FAT1: variants seen among roughly 807,000 people sequenced by gnomAD.
FAT1 encodes protocadherin Fat 1.
FAT1 carries 171 observed loss-of-function variants against 329.8 expected under a neutral mutation model. The observed-to-expected ratio is 0.52, with a 90% CI of 0.46 to 0.59. The LOEUF (loss-of-function observed/expected upper bound fraction) is 0.59, where lower values mean the gene tolerates loss of function less well. FAT1 is among the 20% of genes least tolerant of loss of function. The pLI, the probability that FAT1 is intolerant of heterozygous loss-of-function variation, is 0.00. For synonymous variants in FAT1, 2,233 were observed against 2,228.6 expected, an observed-to-expected ratio of 1.00 and a Z score of -0.06; for missense variants, 5,672 against 5,774.4, an observed-to-expected ratio of 0.98 and a Z score of 0.57.
chr4:186,648,853 A>AT (rs776261919), intron 3 of FAT1, among the ~76,000 whole-genome samples: 30 of 152,318 alleles, frequency 2.0e-4, no homozygotes, highest in Middle Eastern at 3.4e-3. Flanking sequence ...TTTCCCGGTG[A>AT]TTCCATCCCA....
chr4:186,663,087 C>T (rs1177551057), intron 3 of FAT1, among the ~76,000 whole-genome samples: 3 of 152,168 alleles, frequency 2.0e-5, no homozygotes, highest in Non-Finnish European at 2.9e-5. Context: ...CTGCCTGCCT[C>T]GGCCTCCCAA....
At chr4:186,701,671 T>C (rs983343044) in intron 2 of FAT1, among the ~76,000 whole-genome samples, 6 of 152,186 alleles carry the variant, frequency 3.9e-5, no homozygotes, top group African/African-American at 1.4e-4. Flanking sequence ...CCGGGGCCCG[T>C]CAGCCTCCTC....
intron 2 of FAT1, among the ~76,000 whole-genome samples, chr4:186,688,673 ACACCCTT>A (rs2126655944): frequency 8.6e-6 from 1 of 115,814 alleles, no homozygotes; most frequent in African/African-American, 3.2e-5. Context: ...AAAAAAACAC[ACACCCTT>A]CAGCTGCTAC....
At chr4:186,717,028 A>C (rs939098472) in intron 1 of FAT1, among the ~76,000 whole-genome samples, 1 of 152,134 alleles carries the variant, frequency 6.6e-6, no homozygotes, top group Non-Finnish European at 1.5e-5. Context: ...CAGCCTCCCA[A>C]AGTGCTGGGA....
chr4:186,725,776 G>C (rs989232393), upstream of FAT1, among the ~76,000 whole-genome samples: 2 of 152,206 alleles, frequency 1.3e-5, no homozygotes, highest in African/African-American at 4.8e-5. This position sits in a 1 kb window ranked among gnomAD's most constrained non-coding sequence, Gnocchi z 5.4. Context: ...CCAAAGGCTC[G>C]TGGAAATTAG....
At chr4:186,723,121 G>A (rs534433037) in intron 1 of FAT1, among the ~76,000 whole-genome samples, 2 of 152,348 alleles carry the variant, frequency 1.3e-5, no homozygotes, top group Admixed American at 6.5e-5. Context: ...CTCCAGAGAA[G>A]ACAGAAAACA....
Position 186,652,199 on chromosome 4 carries a change from A to G in FAT1, c.3580+11100T>C, listed in dbSNP as rs114633731. ...ATTAAAACATAAGATCGACAGCAAAACTCAATTTACAGGGAATTGCCTTCA... is the reference window on the plus strand; with the variant it reads ...ATTAAAACATAAGATCGACAGCAAAGCTCAATTTACAGGGAATTGCCTTCA... On this transcript the variant is annotated intron_variant, in intron 3 of 26. Transcript: ENST00000441802. 8.7e-3 allele frequency among the ~76,000 whole-genome samples: 1,316 copies of G among 151,674 alleles called. 22 individuals are homozygous for G. Among genetic ancestry groups the G allele is most frequent in the African/African-American group, 0.031 (1,266 of 40,958 alleles).
intron 2 of FAT1, among the ~76,000 whole-genome samples, chr4:186,700,831 C>A (rs545895560): frequency 1.3e-5 from 2 of 152,188 alleles, no homozygotes; most frequent in Non-Finnish European, 2.9e-5. Context: ...GCCCAGTGCC[C>A]GGCTGTGACA....
Position 186,639,706 on chromosome 4 carries a change from TAA to T in FAT1, c.3642+14_3642+15del, listed in dbSNP as rs113622948. 7.1e-7 allele frequency: 1 copy of T among 1,412,314 alleles called. No individual in the cohort carries two copies. Among genetic ancestry groups the T allele is most frequent in the Non-Finnish European group, 9.7e-7 (1 of 1,032,394 alleles). The allele number at this position is 1,412,314 out of a possible 1,614,324, so 87.5% of individuals were successfully genotyped here. A position where few individuals can be genotyped will look rare whatever the true frequency, so the allele number is the denominator to read the frequency against. ...ACTACGAATCTTTAAGTATTAAAGA[TAA>T]AAAAAAAACTTACCTCTAATATGTG... On this transcript the variant is annotated intron_variant, in intron 4 of 26. Transcript: ENST00000441802.
intron 2 of FAT1, among the ~76,000 whole-genome samples, chr4:186,687,360 G>A (rs1317885778): frequency 6.6e-6 from 1 of 152,070 alleles, no homozygotes; most frequent in Non-Finnish European, 1.5e-5. Flanking sequence ...CTCACAAACT[G>A]CTGATGGGAT....
At chr4:186,594,783 T>A (rs1046487948) in intron 26 of FAT1, among the ~76,000 whole-genome samples, 2 of 149,824 alleles carry the variant, frequency 1.3e-5, no homozygotes, top group Non-Finnish European at 1.5e-5. Flanking sequence ...TATATGGATT[T>A]ATGGACTATA....
chr4:186,644,060 G>A (rs1308839439), intron 3 of FAT1, among the ~76,000 whole-genome samples: 1 of 152,180 alleles, frequency 6.6e-6, no homozygotes, highest in East Asian at 1.9e-4. Context: ...CCAAAGAGAA[G>A]TTAAAATTTT....
chr4:186,594,628 AC>A (rs1404988566), intron 26 of FAT1, among the ~76,000 whole-genome samples: 3 of 143,362 alleles, frequency 2.1e-5, no homozygotes, highest in African/African-American at 2.5e-5. Flanking sequence ...ATCAAAATAT[AC>A]CTGTGTTGAT....
rs1194325316 is a variant in FAT1 at position 186,620,703 on chromosome 4, G to A, written c.5883C>T (p.Gly1961=). 1 of 1,613,970 alleles carries A rather than the reference G, an allele frequency of 6.2e-7. No homozygotes were observed. The highest frequency in any genetic ancestry group is 1.3e-5 in the African/African-American group (1 of 75,034). Residue 1961 remains glycine (G), a synonymous_variant, in exon 10 of 27, where the codon GGC becomes GGT. Transcript: ENST00000441802. ...TVRASDGRFA[G]LTSVKINVKE... is the part of the protein sequence containing the mutation. ...TCACATTAATTTTGACAGAGGTAAG[G>A]CCGGCAAATCTGCCATCGGAAGCTC...
chr4:186,640,739 T>G (rs1741051986), intron 3 of FAT1, among the ~76,000 whole-genome samples: 1 of 152,218 alleles, frequency 6.6e-6, no homozygotes, highest in East Asian at 1.9e-4. Context: ...TGCTCAACTG[T>G]CTGCATATTT....
intron 1 of FAT1, among the ~76,000 whole-genome samples, chr4:186,715,112 C>T (rs537433727): frequency 4.4e-4 from 67 of 151,374 alleles, no homozygotes; most frequent in Non-Finnish European, 7.5e-4. Context: ...TGATGCGCCA[C>T]GCTGCTTCCC....
At chr4:186,686,807 T>C (rs1279957529) in intron 2 of FAT1, among the ~76,000 whole-genome samples, 1 of 152,190 alleles carries the variant, frequency 6.6e-6, no homozygotes, top group Admixed American at 6.5e-5. Flanking sequence ...ACACTGCTGA[T>C]TATACACTAT....
At chr4:186,600,940 G>A (rs543845319) in intron 21 of FAT1, among the ~76,000 whole-genome samples, 1 of 152,300 alleles carries the variant, frequency 6.6e-6, no homozygotes, top group Non-Finnish European at 1.5e-5. Context: ...TCAAATTCCT[G>A]ACCTCAAGTG....
rs191958412 is a variant in FAT1 at position 186,652,994 on chromosome 4, T to C, written c.3580+10305A>G. 1.6e-3 allele frequency among the ~76,000 whole-genome samples: 249 copies of C among 152,298 alleles called. 2 individuals carry two copies. The highest frequency in any genetic ancestry group is 2.6e-4 in the Non-Finnish European group (18 of 68,024). ...CTATAGTAAACATAAAATAATTCTA[T>C]ACTAAATACAGGATTTTACATGTAA... is the stretch of plus-strand genomic sequence containing the variant. On this transcript the variant is annotated intron_variant, in intron 3 of 26. Coordinates refer to ENST00000441802, the MANE Select transcript of FAT1 (RefSeq NM_005245.4).
Sources: gnomAD v4.1 joint callset for allele counts (sites outside exome capture counted in the v4.1 genomes callset) on GRCh38, gnomAD v4.1.1 for gene constraint, Gnocchi (gnomAD v3.1) non-coding constraint, MANE v1.5 for transcripts, NCBI Gene and HGNC (gene_info 2026-07-23, HGNC 2026-07-21) for gene names.